ACAP2: variants seen among roughly 807,000 people sequenced by gnomAD.
ACAP2 encodes ArfGAP with coiled-coil, ankyrin repeat and PH domains 2.
In ACAP2, 39 loss-of-function variants were observed where a neutral mutation model predicts 115.8. That is an observed-to-expected ratio of 0.34 (90% CI 0.26 to 0.44). The LOEUF is 0.44. Ranked by LOEUF, ACAP2 falls within the 20% of genes least tolerant of loss-of-function variation. The probability of loss-of-function intolerance (pLI) is 1.00; values close to 1 mark genes in which losing one functional copy is unlikely to be tolerated. For missense variants in ACAP2, 662 were observed against 927.6 expected (o/e 0.71, Z 3.72); for synonymous variants, 289 against 315.8 (o/e 0.92, Z 0.90).
At chr3:195,413,036 A>T in intron 1 of ACAP2, 1 of 269,892 alleles carries the variant, frequency 3.7e-6, no homozygotes, top group South Asian at 3.6e-5. Context: ...TTCCATTTTA[A>T]ATATTTAAGA....
intron 2 of ACAP2, among the ~76,000 whole-genome samples, chr3:195,382,304 C>T (rs1267096464): frequency 6.6e-6 from 1 of 151,936 alleles, no homozygotes; most frequent in African/African-American, 2.4e-5. Flanking sequence ...TGTATGATAG[C>T]TTAGTGATCA....
intron 4 of ACAP2, among the ~76,000 whole-genome samples, chr3:195,350,649 GAAAAAA>G (rs201607071): frequency 3.0e-5 from 4 of 131,782 alleles, no homozygotes; most frequent in Admixed American, 1.5e-4. Context: ...ACTGTCTCAG[GAAAAAA>G]AAAAAAAGAA....
At chr3:195,295,597 G>A (rs12490658) in intron 17 of ACAP2, 111 bp downstream of exon 17, 26,804 of 1,136,994 alleles carry the variant, frequency 0.024, 849 homozygotes, top group South Asian at 0.096. Flanking sequence ...ATGTAGAAGG[G>A]AACAGGTTTT....
chr3:195,339,401 T>C (rs1263498471), intron 6 of ACAP2, among the ~76,000 whole-genome samples: 1 of 151,560 alleles, frequency 6.6e-6, no homozygotes, highest in Non-Finnish European at 1.5e-5. Flanking sequence ...TGATATGTCT[T>C]TTTTTCTATT....
intron 8 of ACAP2, among the ~76,000 whole-genome samples, chr3:195,330,487 C>T (rs1730095996): frequency 6.6e-6 from 1 of 152,176 alleles, no homozygotes; most frequent in South Asian, 2.1e-4. Context: ...TGCAATTCAA[C>T]TCATACTGCT....
intron 4 of ACAP2, among the ~76,000 whole-genome samples, chr3:195,347,602 G>A (rs1483444845): frequency 1.3e-5 from 2 of 152,214 alleles, no homozygotes; most frequent in Non-Finnish European, 2.9e-5. Context: ...TAACGGTAAT[G>A]ATCCATATCT....
At chr3:195,295,541 A>T in intron 17 of ACAP2, 167 bp downstream of exon 17, 1 of 750,934 alleles carries the variant, frequency 1.3e-6, no homozygotes, top group Non-Finnish European at 2.2e-6. Flanking sequence ...GGCATTGTTT[A>T]AAGTTAACTA....
At chr3:195,292,154 T>C (rs1263582019) in intron 19 of ACAP2, 111 bp downstream of exon 19, 3 of 1,322,110 alleles carry the variant, frequency 2.3e-6, no homozygotes, top group Non-Finnish European at 3.0e-6. Context: ...TTCCTTCTAT[T>C]TTCTAACCCA....
At chr3:195,304,595 C>A (rs1728300617) in intron 13 of ACAP2, among the ~76,000 whole-genome samples, 1 of 152,204 alleles carries the variant, frequency 6.6e-6, no homozygotes, top group Admixed American at 6.5e-5. Context: ...AGGATTAAAA[C>A]AGAGTCTCTG....
chr3:195,328,247 G>C (rs1231047262), intron 8 of ACAP2, among the ~76,000 whole-genome samples: 1 of 152,040 alleles, frequency 6.6e-6, no homozygotes, highest in Non-Finnish European at 1.5e-5. Flanking sequence ...CAGGAATATG[G>C]AGAAAGATAA....
intron 2 of ACAP2, among the ~76,000 whole-genome samples, chr3:195,385,620 C>T (rs1335174596): frequency 2.0e-5 from 3 of 151,850 alleles, no homozygotes; most frequent in African/African-American, 7.3e-5. Flanking sequence ...GAAGAAGAGA[C>T]AAGGTCATCT....
At chr3:195,393,119 T>C (rs1018510951) in intron 1 of ACAP2, among the ~76,000 whole-genome samples, 3 of 152,150 alleles carry the variant, frequency 2.0e-5, no homozygotes, top group African/African-American at 7.2e-5. Context: ...AAGGACTGCT[T>C]GGACCCAAGA....
At chr3:195,398,983 A>G (rs1712039542) in intron 1 of ACAP2, among the ~76,000 whole-genome samples, 2 of 152,180 alleles carry the variant, frequency 1.3e-5, no homozygotes, top group South Asian at 2.1e-4. Context: ...TCACTTCAAG[A>G]CCTAACATTC....
intron 22 of ACAP2, chr3:195,285,368 A>G (rs1360832758): frequency 6.5e-6 from 1 of 153,832 alleles, no homozygotes; most frequent in Non-Finnish European, 1.4e-5. Flanking sequence ...AATTCCCTGA[A>G]TAACAAAAAG....
chr3:195,350,253 T>A (rs560355504), intron 4 of ACAP2, among the ~76,000 whole-genome samples: 1 of 152,154 alleles, frequency 6.6e-6, no homozygotes, highest in Admixed American at 6.5e-5. Context: ...ATAAAGGACC[T>A]AGAATAGCCA....
chr3:195,287,961 C>T (rs1471354822), intron 21 of ACAP2, among the ~76,000 whole-genome samples: 6 of 152,006 alleles, frequency 3.9e-5, no homozygotes, highest in South Asian at 2.1e-4. Context: ...ATTAGCCAGG[C>T]GTGGTGGCGC....
chr3:195,358,210 GATA>G (rs1732116899), intron 4 of ACAP2, among the ~76,000 whole-genome samples: 1 of 152,114 alleles, frequency 6.6e-6, no homozygotes, highest in African/African-American at 2.4e-5. Flanking sequence ...CAAAAACCTA[GATA>G]ATAACAACTA....
chr3:195,420,816 G>A (rs1266730777), intron 1 of ACAP2, among the ~76,000 whole-genome samples: 1 of 151,976 alleles, frequency 6.6e-6, no homozygotes, highest in Admixed American at 6.6e-5. Context: ...CTAATTTTTT[G>A]TATTTTTAGT....
At chr3:195,397,463 A>G (rs996345269) in intron 1 of ACAP2, among the ~76,000 whole-genome samples, 1 of 152,190 alleles carries the variant, frequency 6.6e-6, no homozygotes, top group Non-Finnish European at 1.5e-5. Context: ...CACACACTCT[A>G]GAAACCTGCT....
Sources: gnomAD v4.1 joint callset for allele counts (sites outside exome capture counted in the v4.1 genomes callset) on GRCh38, gnomAD v4.1.1 for gene constraint, MANE v1.5 for transcripts, NCBI Gene and HGNC (gene_info 2026-07-23, HGNC 2026-07-21) for gene names.